SYT16: variants seen among roughly 807,000 people sequenced by gnomAD.
The protein encoded by SYT16 is synaptotagmin 16, also known as synaptotagmin-16.
Under a neutral mutation model 61.4 loss-of-function variants are expected in SYT16, and 42 were observed. The observed-to-expected ratio is 0.68, with a 90% confidence interval of 0.53 to 0.89. The LOEUF (loss-of-function observed/expected upper bound fraction) is 0.89, where lower values mean the gene tolerates loss of function less well. SYT16 is among the 40% of genes least tolerant of loss of function. The pLI, the probability that SYT16 is intolerant of heterozygous loss-of-function variation, is 0.00. For synonymous variants in SYT16, 314 were observed against 302.3 expected (o/e 1.04, Z -0.40); for missense variants, 804 against 807.3 (o/e 1.00, Z 0.05).
intron 1 of SYT16, among the ~76,000 whole-genome samples, chr14:61,864,226 T>TC (rs891430159): frequency 5.9e-5 from 9 of 152,252 alleles, no homozygotes; most frequent in Non-Finnish European, 1.3e-4. Flanking sequence ...GAGGAGGTAC[T>TC]CCCCTTACAG....
chr14:61,898,398 C>T (rs1329513459), intron 1 of SYT16, among the ~76,000 whole-genome samples: 12 of 152,158 alleles, frequency 7.9e-5, no homozygotes, highest in African/African-American at 2.4e-4. Context: ...TCAAGTTGAG[C>T]GTTGGGGTTG....
intron 1 of SYT16, among the ~76,000 whole-genome samples, chr14:61,934,576 G>A (rs925256126): frequency 7.9e-5 from 12 of 152,212 alleles, no homozygotes; most frequent in African/African-American, 2.9e-4. Flanking sequence ...GTGCTATAAG[G>A]AGATGACTAA....
At chr14:62,069,402 T>C (rs2056202071) in intron 3 of SYT16, 1 of 590,200 alleles carries the variant, frequency 1.7e-6, no homozygotes, top group Non-Finnish European at 3.0e-6. Flanking sequence ...ACCGTATTTC[T>C]AATTACCTTC....
intron 7 of SYT16, among the ~76,000 whole-genome samples, chr14:62,095,808 A>G (rs2057256162): frequency 6.6e-6 from 1 of 151,976 alleles, no homozygotes; most frequent in Non-Finnish European, 1.5e-5. Flanking sequence ...TAAAATTCAT[A>G]TGCAAGAGCC....
At chr14:61,948,839 C>A (rs1475232604) in intron 1 of SYT16, among the ~76,000 whole-genome samples, 1 of 152,042 alleles carries the variant, frequency 6.6e-6, no homozygotes, top group Non-Finnish European at 1.5e-5. Context: ...AGGAAGAGAA[C>A]CCTAAACCAG....
intron 1 of SYT16, among the ~76,000 whole-genome samples, chr14:61,876,552 C>T (rs147319320): frequency 6.8e-4 from 103 of 152,316 alleles, no homozygotes; most frequent in African/African-American, 2.3e-3. Flanking sequence ...CATATTTGTA[C>T]TGAGATAACA....
In SYT16 at chr14:62,018,298, C is replaced by CTTTTTTTTTTTTTTTTTTT. The variant is rs776473522; in HGVS notation, c.523+21766_523+21784dup. Among the ~76,000 whole-genome samples, 10 of 51,622 alleles carry CTTTTTTTTTTTTTTTTTTT rather than the reference C, an allele frequency of 1.9e-4. 1 individual carries two copies. Among genetic ancestry groups the CTTTTTTTTTTTTTTTTTTT allele is most frequent in the South Asian group, 1.0e-3 (1 of 978 alleles). The allele number at this position is 51,622 out of a possible 152,430, so 33.9% of individuals were successfully genotyped here. On this transcript the variant is annotated intron_variant, in intron 3 of 7. Coordinates refer to ENST00000683842, the MANE Select transcript of SYT16 (RefSeq NM_001367656.1). Reference sequence around the variant, plus strand: ...GGGTCTTTCTCTTCTTCTTCTTCTTCTTTTTTTTTTTTTTTTTTTTTTTTT... The same window carrying CTTTTTTTTTTTTTTTTTTT: ...GGGTCTTTCTCTTCTTCTTCTTCTTCTTTTTTTTTTTTTTTTTTTTTTTTTTTTTTTTTTTTTTTTTTTT...
intron 3 of SYT16, among the ~76,000 whole-genome samples, chr14:62,067,840 G>A (rs981227291): frequency 5.0e-4 from 76 of 150,516 alleles, no homozygotes; most frequent in Admixed American, 4.9e-3. Flanking sequence ...AATAAATAAA[G>A]CTGGGTATGG....
At chr14:61,892,856 T>C (rs2048186612) in intron 1 of SYT16, among the ~76,000 whole-genome samples, 1 of 152,040 alleles carries the variant, frequency 6.6e-6, no homozygotes, top group Non-Finnish European at 1.5e-5. Context: ...TGGTTGGTAG[T>C]GGCTGTAACA....
At chr14:61,908,207 G>A (rs1439137364) in intron 1 of SYT16, among the ~76,000 whole-genome samples, 1 of 152,202 alleles carries the variant, frequency 6.6e-6, no homozygotes, top group Non-Finnish European at 1.5e-5. Context: ...AGGTTTAGCT[G>A]CTTGGTGAAC....
At chr14:61,986,168 A>T (rs978607203) in intron 2 of SYT16, among the ~76,000 whole-genome samples, 1 of 152,112 alleles carries the variant, frequency 6.6e-6, no homozygotes, top group Non-Finnish European at 1.5e-5. Context: ...AAAAAAAAAT[A>T]AAAGTAATTA....
chr14:61,997,476 G>C (rs773365342), intron 3 of SYT16, among the ~76,000 whole-genome samples: 1 of 151,976 alleles, frequency 6.6e-6, no homozygotes, highest in Non-Finnish European at 1.5e-5. Context: ...TATTAGCTTT[G>C]TCTTTTTAGG....
At chr14:61,903,623 A>C (rs2048599501) in intron 1 of SYT16, among the ~76,000 whole-genome samples, 1 of 152,244 alleles carries the variant, frequency 6.6e-6, no homozygotes, top group African/African-American at 2.4e-5. Context: ...GGGCTTAATA[A>C]ATATTAAGTA....
chr14:62,011,682 T>C (rs1264874502), intron 3 of SYT16, among the ~76,000 whole-genome samples: 1 of 152,090 alleles, frequency 6.6e-6, no homozygotes, highest in Non-Finnish European at 1.5e-5. Context: ...CCCACAGCTC[T>C]ATTAGAGGAG....
At chr14:61,840,170 T>G (rs2046260930) in intron 1 of SYT16, among the ~76,000 whole-genome samples, 1 of 152,160 alleles carries the variant, frequency 6.6e-6, no homozygotes, top group Admixed American at 6.5e-5. Context: ...AAAATCACAT[T>G]GAGACAGAAG....
At chr14:61,933,129 C>G (rs1049523354) in intron 1 of SYT16, among the ~76,000 whole-genome samples, 1 of 152,122 alleles carries the variant, frequency 6.6e-6, no homozygotes, top group African/African-American at 2.4e-5. Context: ...TTGTTATATT[C>G]TTTTGTCGGT....
intron 7 of SYT16, among the ~76,000 whole-genome samples, chr14:62,093,451 C>T (rs1454655409): frequency 6.6e-6 from 1 of 152,018 alleles, no homozygotes; most frequent in Non-Finnish European, 1.5e-5. Context: ...TAAGGTCTCT[C>T]TCTTTTTCCC....
intron 2 of SYT16, among the ~76,000 whole-genome samples, chr14:61,982,463 C>T (rs552673996): frequency 2.6e-5 from 4 of 152,188 alleles, no homozygotes; most frequent in Admixed American, 1.3e-4. Flanking sequence ...AGGGATTTCC[C>T]CTTATAAAAC....
intron 1 of SYT16, among the ~76,000 whole-genome samples, chr14:61,893,938 C>G (rs927796959): frequency 6.6e-6 from 1 of 152,208 alleles, no homozygotes; most frequent in African/African-American, 2.4e-5. Context: ...CTCAACACAT[C>G]AAAACCTGGC....
Sources: gnomAD v4.1 joint callset for allele counts (sites outside exome capture counted in the v4.1 genomes callset) on GRCh38, gnomAD v4.1.1 for gene constraint, MANE v1.5 for transcripts, NCBI Gene and HGNC (gene_info 2026-07-23, HGNC 2026-07-21) for gene names.